The following UBAP2L variants were observed in gnomAD, a reference collection of about 807,000 sequenced individuals.
UBAP2L encodes ubiquitin-associated protein 2-like.
A neutral mutation model predicts 130.6 loss-of-function variants in UBAP2L; 12 were observed. The observed-to-expected ratio is 0.09, with a 90% CI of 0.06 to 0.15. The LOEUF is 0.15. Ranked by LOEUF, UBAP2L falls within the 10% of genes least tolerant of loss-of-function variation. The pLI is 1.00. For missense variants in UBAP2L, 965 were observed against 1,332.5 expected, an observed-to-expected ratio of 0.72 and a Z score of 4.29; for synonymous variants, 503 against 524.7, an observed-to-expected ratio of 0.96 and a Z score of 0.57.
chr1:154,244,706 G>A (rs769199932), intron 10 of UBAP2L, among the ~76,000 whole-genome samples: 1 of 152,158 alleles, frequency 6.6e-6, no homozygotes, highest in Non-Finnish European at 1.5e-5. Flanking sequence ...CTAAACGGAA[G>A]AAATGAGTAG....
chr1:154,234,824 A>C (rs1168962874), intron 5 of UBAP2L, 65 bp downstream of exon 5: 2 of 1,545,620 alleles, frequency 1.3e-6, no homozygotes, highest in South Asian at 2.4e-5. Flanking sequence ...GGGATGTGCC[A>C]GGGCCCTGCT....
At chr1:154,220,708 T>A (rs1400844971), upstream of UBAP2L, 5 of 438,334 alleles carry the variant, frequency 1.1e-5, no homozygotes, top group East Asian at 4.3e-5. Context: ...CATCCGTGCG[T>A]CACGTGGTGG....
At chr1:154,258,443 T>C (rs1458861288) in intron 20 of UBAP2L, among the ~76,000 whole-genome samples, 1 of 152,220 alleles carries the variant, frequency 6.6e-6, no homozygotes, top group African/African-American at 2.4e-5. Flanking sequence ...AAGTATTTGG[T>C]ACCTATTAAG....
At chr1:154,231,681 AACTT>A in intron 4 of UBAP2L, among the ~76,000 whole-genome samples, 2 of 152,278 alleles carry the variant, frequency 1.3e-5, no homozygotes, top group Middle Eastern at 3.4e-3. Context: ...TTGTATGTCT[AACTT>A]ACTTCACTTA....
intron 1 of UBAP2L, among the ~76,000 whole-genome samples, chr1:154,223,193 A>AAG (rs1666860009): frequency 1.3e-5 from 2 of 152,016 alleles, no homozygotes; most frequent in Non-Finnish European, 2.9e-5. Flanking sequence ...GATTAGGAGA[A>AAG]TTTTTTTCTT....
At chr1:154,260,173 T>C in intron 22 of UBAP2L, 144 bp downstream of exon 22, 1 of 822,836 alleles carries the variant, frequency 1.2e-6, no homozygotes, top group Admixed American at 2.2e-5. Context: ...GTCATGGCTT[T>C]TCCTATTCAT....
intron 20 of UBAP2L, 110 bp from the exon 21 acceptor site, chr1:154,258,867 C>T: frequency 1.1e-6 from 1 of 872,728 alleles, no homozygotes; most frequent in Non-Finnish European, 1.9e-6. Context: ...GTGTCCTGTT[C>T]TAACCCAGAA....
chr1:154,236,435 C>T (rs991531489), intron 6 of UBAP2L, 131 bp from the exon 7 acceptor site: 3 of 912,296 alleles, frequency 3.3e-6, no homozygotes, highest in South Asian at 2.9e-5. Flanking sequence ...CTGGATGCAA[C>T]CAATCCGCCC....
chr1:154,268,276 C>T (rs775509880), intron 25 of UBAP2L, among the ~76,000 whole-genome samples: 47 of 152,078 alleles, frequency 3.1e-4, no homozygotes, highest in South Asian at 4.1e-4. Flanking sequence ...ACTGCAACCT[C>T]CACCTCCCAG....
Position 154,228,599 on chromosome 1 carries a change from G to T in UBAP2L, c.169-16G>T. On this transcript the variant is annotated splice_polypyrimidine_tract_variant and intron_variant, in intron 3 of 26. Transcript: ENST00000428931. ...CATAAGCCTGTTCATGATGGTTGCT[G>T]TTTTTTCTCTTTCAGTTGATTGATA... 6.2e-7 allele frequency: 1 copy of T among 1,603,198 alleles called. No individual in the cohort carries two copies. Among genetic ancestry groups the T allele is most frequent in the Non-Finnish European group, 8.5e-7 (1 of 1,170,756 alleles).
chr1:154,225,895 C>A (rs1294867764), intron 2 of UBAP2L, among the ~76,000 whole-genome samples: 3 of 152,220 alleles, frequency 2.0e-5, no homozygotes, highest in Non-Finnish European at 4.4e-5. Context: ...CTCACTGCAA[C>A]CTCTGCCTTC....
At chr1:154,261,248 G>A in intron 23 of UBAP2L, 139 bp downstream of exon 23, 3 of 1,026,286 alleles carry the variant, frequency 2.9e-6, no homozygotes, top group South Asian at 1.7e-5. Flanking sequence ...TTGGCCTGAT[G>A]CAGGGTGGTG....
chr1:154,252,536 C>T (rs1355068208), intron 14 of UBAP2L, among the ~76,000 whole-genome samples: 1 of 151,994 alleles, frequency 6.6e-6, no homozygotes, highest in Non-Finnish European at 1.5e-5. Flanking sequence ...CCTCCTCGGC[C>T]TCCCAAAGGA....
chr1:154,226,750 C>A (rs1374804818), intron 2 of UBAP2L, among the ~76,000 whole-genome samples: 2 of 152,220 alleles, frequency 1.3e-5, no homozygotes, highest in African/African-American at 4.8e-5. Flanking sequence ...GTCCCTTTAA[C>A]TGTGAAGATT....
In UBAP2L at chr1:154,242,936, T is replaced by A. The variant is rs77660161; in HGVS notation, c.757-281T>A. 1.6e-3 allele frequency: 317 copies of A among 195,170 alleles called. 8 individuals carry two copies. In the East Asian group the frequency reaches 0.03, roughly 19 times the overall value. 12.1% of individuals were successfully genotyped at this position (195,170 alleles called of 1,614,324 possible). On this transcript the variant is annotated intron_variant, in intron 9 of 26. Transcript: ENST00000428931. Reference sequence around the variant, plus strand: ...TAGAGGGATTTTCTTTCTTTTATTTTTTTTTTTTTATGTCTAGCATGCCTG... The same window carrying A: ...TAGAGGGATTTTCTTTCTTTTATTTATTTTTTTTTATGTCTAGCATGCCTG...
At chr1:154,233,387 C>T (rs1216214736) in intron 4 of UBAP2L, among the ~76,000 whole-genome samples, 1 of 150,788 alleles carries the variant, frequency 6.6e-6, no homozygotes, top group Admixed American at 6.6e-5. Flanking sequence ...TGGTGTGGTG[C>T]GATCTTGCGT....
intron 1 of UBAP2L, among the ~76,000 whole-genome samples, chr1:154,223,706 A>G (rs1249291405): frequency 6.6e-6 from 1 of 152,182 alleles, no homozygotes; most frequent in Non-Finnish European, 1.5e-5. Flanking sequence ...CTTTCTTGAT[A>G]CAAAGACCTA....
At chr1:154,264,443 G>A (rs752527835) in intron 24 of UBAP2L, among the ~76,000 whole-genome samples, 10 of 152,176 alleles carry the variant, frequency 6.6e-5, no homozygotes, top group Non-Finnish European at 1.2e-4. Context: ...CTAATAACTG[G>A]TGAGGGGTAG....
chr1:154,245,344 ATCACTT>A (rs1675066868), intron 10 of UBAP2L, among the ~76,000 whole-genome samples: 1 of 152,222 alleles, frequency 6.6e-6, no homozygotes, highest in Non-Finnish European at 1.5e-5. Flanking sequence ...AAAGGACACT[ATCACTT>A]AGGAAATTCT....
Sources: gnomAD v4.1 joint callset for allele counts (sites outside exome capture counted in the v4.1 genomes callset) on GRCh38, gnomAD v4.1.1 for gene constraint, MANE v1.5 for transcripts, NCBI Gene and HGNC (gene_info 2026-07-23, HGNC 2026-07-21) for gene names.